ASMTL: variants seen among roughly 807,000 people sequenced by gnomAD.
ASMTL encodes acetylserotonin O-methyltransferase like, also known as probable bifunctional dTTP/UTP pyrophosphatase/methyltransferase protein.
A neutral mutation model predicts 60.3 loss-of-function variants in ASMTL; 57 were observed. The ratio of observed to expected loss-of-function variants is 0.95; its 90% confidence interval spans 0.76 to 1.18. The LOEUF is 1.18. Ranked by LOEUF, ASMTL falls within the 50% of genes most tolerant of loss-of-function variation. ASMTL has a pLI of 0.00. For synonymous variants in ASMTL, 419 were observed against 373.0 expected, an observed-to-expected ratio of 1.12 and a Z score of -1.42; for missense variants, 981 against 852.6, an observed-to-expected ratio of 1.15 and a Z score of -1.88.
At chrX:1,426,497 TG>T (rs1290970537) in intron 7 of ASMTL, among the ~76,000 whole-genome samples, 1 of 152,076 alleles carries the variant, frequency 6.6e-6, no homozygotes, top group Non-Finnish European at 1.5e-5. Context: ...CCCCTGGTGT[TG>T]GGAGGGCTGC....
intron 11 of ASMTL, among the ~76,000 whole-genome samples, chrX:1,416,438 A>AACAG (rs1569532094): frequency 1.6e-4 from 13 of 80,488 alleles, no homozygotes; most frequent in African/African-American, 4.7e-4. Flanking sequence ...CACGCACATA[A>AACAG]ACATAGACAT....
intron 5 of ASMTL, among the ~76,000 whole-genome samples, chrX:1,433,999 A>G (rs144051705): frequency 0.024 from 3,639 of 152,192 alleles, 56 homozygotes; most frequent in African/African-American, 0.038. Context: ...GACCAGGGAT[A>G]TGGGGCTGGG....
At chrX:1,446,405 C>T (rs1165725091) in intron 1 of ASMTL, among the ~76,000 whole-genome samples, 5 of 152,166 alleles carry the variant, frequency 3.3e-5, no homozygotes, top group African/African-American at 1.2e-4. Context: ...TTTCTTTTAT[C>T]TCTTTGTCTT....
intron 3 of ASMTL, among the ~76,000 whole-genome samples, chrX:1,436,647 C>T (rs1249064588): frequency 1.3e-5 from 2 of 152,194 alleles, no homozygotes; most frequent in Non-Finnish European, 2.9e-5. Flanking sequence ...CCACCGCACC[C>T]GGCCAGCCTC....
In ASMTL at chrX:1,427,730, G is replaced by T; in HGVS notation, c.897+4C>A. 1 of 1,599,048 alleles carries T rather than the reference G, an allele frequency of 6.3e-7. No homozygotes were observed. Among genetic ancestry groups the T allele is most frequent in the South Asian group, 1.1e-5 (1 of 90,414 alleles). On this transcript the variant is annotated splice_donor_region_variant and intron_variant, in intron 7 of 12. Transcript: ENST00000381317. ...ATGTGGCCTGAGGAGACAGACACAG[G>T]TACCTTGGATAGCATAAAGCCCTCA...
chrX:1,403,322 CCACCTG>C lies in ASMTL; in HGVS notation c.1807_1812del (p.Gln603_Val604del). ...GCATCCAGGACACCCCCCAAGTGCACCACCTGCACCTGGTGGAAGCCGTGCAGCTCC... is the reference window on the plus strand; with the variant it reads ...GCATCCAGGACACCCCCCAAGTGCACCACCTGGTGGAAGCCGTGCAGCTCC... On this transcript the variant is annotated inframe_deletion, in exon 13 of 13. Transcript: ENST00000381317. 1 of 1,613,276 alleles carries C rather than the reference CCACCTG, an allele frequency of 6.2e-7. No homozygotes were observed. Among genetic ancestry groups the C allele is most frequent in the South Asian group, 1.1e-5 (1 of 91,072 alleles).
chrX:1,417,641 A>T, intron 11 of ASMTL, among the ~76,000 whole-genome samples: 1 of 151,768 alleles, frequency 6.6e-6, no homozygotes, highest in Non-Finnish European at 1.5e-5. Context: ...GCACACATAT[A>T]CCCACACAGA....
Position 1,427,738 on chromosome X carries a change from G to C in ASMTL, c.893C>G (p.Ser298Cys). The change falls in exon 7 of 13, where the codon TCC becomes TGC. Residue 298 changes from serine (S) to cysteine (C), a missense_variant. By Grantham distance (112) the Ser-to-Cys change is moderately radical (BLOSUM62 -1). Transcript: ENST00000381317. ...TGAGGAGACAGACACAGGTACCTTGGATAGCATAAAGCCCTCAATCAGCTC... is the reference window on the plus strand; with the variant it reads ...TGAGGAGACAGACACAGGTACCTTGCATAGCATAAAGCCCTCAATCAGCTC... ...LLELIEGFML[S>C]KGLLTACKLK... The C allele has an allele frequency of 6.2e-7, 1 of 1,605,226 alleles. No individual in the cohort carries two copies. Among genetic ancestry groups the C allele is most frequent in the Non-Finnish European group, 8.5e-7 (1 of 1,173,748 alleles).
intron 6 of ASMTL, among the ~76,000 whole-genome samples, chrX:1,430,521 A>G (rs1419250654): frequency 2.0e-5 from 3 of 152,020 alleles, no homozygotes; most frequent in African/African-American, 7.2e-5. Flanking sequence ...CTGTGGTCCC[A>G]CCTACTCAGG....
chrX:1,430,888 TTA>T, intron 6 of ASMTL, among the ~76,000 whole-genome samples: 1 of 144,292 alleles, frequency 6.9e-6, no homozygotes, highest in South Asian at 2.1e-4. Flanking sequence ...AAAATATATT[TTA>T]TATAATTATA....
At chrX:1,448,410 C>T (rs1413869279) in intron 1 of ASMTL, among the ~76,000 whole-genome samples, 1 of 145,852 alleles carries the variant, frequency 6.9e-6, no homozygotes, top group Non-Finnish European at 1.5e-5. Flanking sequence ...CCATCTTGGA[C>T]ACGCCACCAT....
chrX:1,436,134 T>C (rs1340036501), intron 3 of ASMTL, among the ~76,000 whole-genome samples: 2 of 152,178 alleles, frequency 1.3e-5, no homozygotes, highest in African/African-American at 4.8e-5. Context: ...GACCGTGATG[T>C]CCTCAACATT....
At chrX:1,435,381 A>T in intron 4 of ASMTL, 1 of 605,284 alleles carries the variant, frequency 1.7e-6, no homozygotes, top group Non-Finnish European at 2.9e-6. Context: ...GATGGGGATG[A>T]CGTCCCAGGC....
At position 1,412,797 on chromosome X, in the gene ASMTL, A is replaced by G; in HGVS notation, c.1580T>C (p.Leu527Pro). Residue 527 changes from leucine to proline, a missense_variant, in exon 12 of 13, where the codon CTG (leucine) becomes CCG (proline). Leu to Pro is a moderately conservative substitution (Grantham distance 98). Coordinates refer to ENST00000381317, the MANE Select transcript of ASMTL (RefSeq NM_004192.4). ...GACTTTGTCGTCTGGCCAGTCATGC[A>G]GGATCCGGCACAGGACGTACAGCTC... is the stretch of plus-strand genomic sequence containing the variant. ...SAELYVLCRI[L>P]HDWPDDKVHK... 6.2e-7 allele frequency: 1 copy of G among 1,613,970 alleles called. No individual in the cohort carries two copies. Among genetic ancestry groups the G allele is most frequent in the Non-Finnish European group, 8.5e-7 (1 of 1,179,856 alleles).
At chrX:1,433,881 A>G (rs2090885108) in intron 5 of ASMTL, among the ~76,000 whole-genome samples, 1 of 152,068 alleles carries the variant, frequency 6.6e-6, no homozygotes, top group South Asian at 2.1e-4. Flanking sequence ...GCTGGGAAGG[A>G]AAGTGCTGTC....
intron 6 of ASMTL, among the ~76,000 whole-genome samples, chrX:1,428,646 C>CAAATAAATAAATAAATAAATAAATGAAT (rs1229272093): frequency 7.4e-6 from 1 of 134,420 alleles, no homozygotes; most frequent in South Asian, 2.6e-4. Flanking sequence ...GACTCCGTCT[C>CAAATAAATAAATAAATAAATAAATGAAT]AAATAAATAA....
intron 11 of ASMTL, among the ~76,000 whole-genome samples, chrX:1,417,223 A>G (rs1383305848): frequency 5.3e-5 from 8 of 151,612 alleles, no homozygotes; most frequent in African/African-American, 1.5e-4. Context: ...GCACACAGGG[A>G]CACACAACCA....
At chrX:1,439,024 A>G in intron 3 of ASMTL, 73 bp downstream of exon 3, 3 of 1,499,720 alleles carry the variant, frequency 2.0e-6, no homozygotes, top group Non-Finnish European at 2.8e-6. Flanking sequence ...TACAACATCC[A>G]CAAGAGGCAG....
At position 1,432,321 on chromosome X, in the gene ASMTL, A is replaced by G; in HGVS notation, c.457T>C (p.Ser153Pro). The change falls in exon 6 of 13, where the codon TCG becomes CCG. Residue 153 changes from serine (S) to proline (P), a missense_variant. Transcript: ENST00000381317. ...CAGAGCAGCTCCTCGGACAGCTCCG[A>G]GAACTTCACCTTCGTTTCCTCGTAG... Reference protein sequence around the residue: ...EFYEETKVKFSELSEELLWEY... With the variant: ...EFYEETKVKFPELSEELLWEY... 5.6e-6 allele frequency: 9 copies of G among 1,613,026 alleles called. No individual in the cohort carries two copies. The highest frequency in any genetic ancestry group is 7.6e-6 in the Non-Finnish European group (9 of 1,179,724).
Sources: gnomAD v4.1 joint callset for allele counts (sites outside exome capture counted in the v4.1 genomes callset) on GRCh38, gnomAD v4.1.1 for gene constraint, MANE v1.5 for transcripts, NCBI Gene and HGNC (gene_info 2026-07-23, HGNC 2026-07-21) for gene names.